The following CLVS1 variants were observed in gnomAD, a reference collection of about 807,000 sequenced individuals.
CLVS1 encodes clavesin 1.
A neutral mutation model predicts 33.1 loss-of-function variants in CLVS1; 10 were observed. That is an observed-to-expected ratio of 0.30 (90% CI 0.19 to 0.51). The LOEUF (loss-of-function observed/expected upper bound fraction) is 0.51, where lower values mean the gene tolerates loss of function less well. CLVS1 is among the 20% of genes least tolerant of loss of function. The pLI, the probability that CLVS1 is intolerant of heterozygous loss-of-function variation, is 0.97. For synonymous variants in CLVS1, 163 were observed against 166.1 expected, an observed-to-expected ratio of 0.98 and a Z score of 0.14; for missense variants, 343 against 433.4, an observed-to-expected ratio of 0.79 and a Z score of 1.85.
chr8:61,283,060 T>C (rs772414630), upstream of CLVS1, among the ~76,000 whole-genome samples: 1 of 152,196 alleles, frequency 6.6e-6, no homozygotes, highest in Non-Finnish European at 1.5e-5. Context: ...ACTGGTCAGA[T>C]AGAAAACATG....
chr8:61,237,525 G>A (rs1808593813), intron 2 of CLVS1, among the ~76,000 whole-genome samples: 2 of 152,198 alleles, frequency 1.3e-5, no homozygotes, highest in Non-Finnish European at 2.9e-5. Flanking sequence ...TGAGCTGAAA[G>A]GGACCTCAGA....
At chr8:61,063,998 C>A (rs1804631440) in intron 1 of CLVS1, among the ~76,000 whole-genome samples, 1 of 152,152 alleles carries the variant, frequency 6.6e-6, no homozygotes, top group Admixed American at 6.5e-5. Context: ...TTGTGTCTGG[C>A]TAGTTTAACT....
the CLVS1 span, among the ~76,000 whole-genome samples, chr8:61,018,363 G>A: frequency 1.3e-5 from 2 of 152,192 alleles, no homozygotes; most frequent in Non-Finnish European, 2.9e-5. Flanking sequence ...ATTACAGGGA[G>A]GGAGTGCCTA....
intron 2 of CLVS1, among the ~76,000 whole-genome samples, chr8:61,368,488 C>T (rs376292873): frequency 6.6e-6 from 1 of 152,136 alleles, no homozygotes; most frequent in Non-Finnish European, 1.5e-5. Flanking sequence ...AAGAACATTA[C>T]CCTTTGTGTT....
rs569697486 is a variant in CLVS1, at chr8:61,068,030, T to A, written c.-243+10800T>A. On this transcript the variant is annotated intron_variant, in intron 1 of 2. Coordinates refer to the CLVS1 transcript ENST00000522621. The stretch of plus-strand genomic sequence containing the variant: ...GAGACCTTGTCTCTATAAAAAATTT[T>A]AAAAAAAATTAGCAGGTGTGGTGGC... 1.1e-3 allele frequency among the ~76,000 whole-genome samples: 166 copies of A among 150,726 alleles called. 1 individual carries two copies. Among genetic ancestry groups the A allele is most frequent in the South Asian group, 2.3e-3 (11 of 4,762 alleles).
chr8:61,358,398 T>A (rs1563514656), intron 2 of CLVS1, among the ~76,000 whole-genome samples: 1 of 152,222 alleles, frequency 6.6e-6, no homozygotes, highest in Non-Finnish European at 1.5e-5. Flanking sequence ...CATATGTGAC[T>A]TTCCTCTGTA....
intron 2 of CLVS1, among the ~76,000 whole-genome samples, chr8:61,314,285 A>T (rs999998002): frequency 2.6e-5 from 4 of 152,166 alleles, no homozygotes; most frequent in Non-Finnish European, 4.4e-5. Flanking sequence ...CATCTTGATT[A>T]GTATATCACA....
At chr8:61,266,073 G>C (rs1392484524) in intron 2 of CLVS1, among the ~76,000 whole-genome samples, 3 of 152,144 alleles carry the variant, frequency 2.0e-5, no homozygotes, top group Non-Finnish European at 4.4e-5. Context: ...ATGAGAGCCT[G>C]TCTGTTTTGT....
chr8:61,187,525 TCTCA>T (rs1258915623), intron 2 of CLVS1, among the ~76,000 whole-genome samples: 2 of 152,136 alleles, frequency 1.3e-5, no homozygotes, highest in Non-Finnish European at 2.9e-5. Context: ...ACATTACTCA[TCTCA>T]CTCAATCTTT....
chr8:60,976,004 T>C, the CLVS1 span, among the ~76,000 whole-genome samples: 1 of 152,212 alleles, frequency 6.6e-6, no homozygotes, highest in South Asian at 2.1e-4. Flanking sequence ...CCAATGTTTC[T>C]CTTGATCAAA....
At chr8:61,064,855 C>T (rs1804646793) in intron 1 of CLVS1, among the ~76,000 whole-genome samples, 1 of 152,138 alleles carries the variant, frequency 6.6e-6, no homozygotes, top group Admixed American at 6.5e-5. Context: ...GTGCCCGCCA[C>T]CACGCCTGGC....
chr8:60,966,055 G>A, the CLVS1 span: 23 of 187,090 alleles, frequency 1.2e-4, no homozygotes, highest in African/African-American at 4.9e-4. Flanking sequence ...CAGGTGATCC[G>A]CCTGCCTCAG....
At chr8:61,090,334 C>T (rs1399684059) in intron 1 of CLVS1, among the ~76,000 whole-genome samples, 3 of 152,128 alleles carry the variant, frequency 2.0e-5, no homozygotes, top group East Asian at 1.9e-4. Flanking sequence ...ATTAATTATC[C>T]TGTCCACGCT....
chr8:61,171,162 A>G (rs532880113), intron 2 of CLVS1, among the ~76,000 whole-genome samples: 1 of 152,258 alleles, frequency 6.6e-6, no homozygotes, highest in African/African-American at 2.4e-5. Flanking sequence ...GTATATATGC[A>G]CAATCATCTT....
chr8:61,093,258 C>G (rs1805285495), intron 1 of CLVS1, among the ~76,000 whole-genome samples: 1 of 152,180 alleles, frequency 6.6e-6, no homozygotes, highest in South Asian at 2.1e-4. Context: ...ACTGTGTCCC[C>G]TATATACCTT....
At chr8:61,466,740 C>A (rs140790150) in intron 5 of CLVS1, among the ~76,000 whole-genome samples, 1,584 of 152,204 alleles carry the variant, frequency 0.01, 30 homozygotes, top group African/African-American at 0.036. Flanking sequence ...CTCCACCTCC[C>A]GGGTTCAAGT....
chr8:61,297,128 A>G (rs1482511579), intron 1 of CLVS1, among the ~76,000 whole-genome samples: 1 of 152,194 alleles, frequency 6.6e-6, no homozygotes. Flanking sequence ...ATGGCCAGAC[A>G]ATAAATCTGG....
chr8:61,180,852 G>A (rs193219605), intron 2 of CLVS1, among the ~76,000 whole-genome samples: 2 of 152,232 alleles, frequency 1.3e-5, no homozygotes, highest in African/African-American at 4.8e-5. Context: ...AATAATAAGA[G>A]CTGTTTATGA....
chr8:61,396,667 C>A (rs1022549609), intron 3 of CLVS1, among the ~76,000 whole-genome samples: 1 of 152,136 alleles, frequency 6.6e-6, no homozygotes, highest in Admixed American at 6.5e-5. Context: ...CACTTCATAA[C>A]CACTAACAAT....
Sources: allele counts gnomAD v4.1 joint callset (sites outside exome capture counted in the v4.1 genomes callset), GRCh38; gene constraint gnomAD v4.1.1; transcripts MANE v1.5; gene names NCBI Gene and HGNC (gene_info 2026-07-23, HGNC 2026-07-21).